The following CAMK1D variants were observed in gnomAD, a reference collection of about 807,000 sequenced individuals.
The protein encoded by CAMK1D is calcium/calmodulin-dependent protein kinase type 1D.
CAMK1D carries 9 observed loss-of-function variants against 47.7 expected under a neutral mutation model. The observed-to-expected ratio is 0.19, with a 90% CI of 0.11 to 0.33. CAMK1D has a LOEUF of 0.33. CAMK1D is among the 10% of genes least tolerant of loss of function. The pLI is 1.00. For missense variants in CAMK1D, 291 were observed against 488.7 expected, an observed-to-expected ratio of 0.60 and a Z score of 3.81; for synonymous variants, 184 against 184.9, an observed-to-expected ratio of 0.99 and a Z score of 0.04.
At chr10:12,416,670 G>T (rs985675496) in intron 1 of CAMK1D, among the ~76,000 whole-genome samples, 2 of 152,222 alleles carry the variant, frequency 1.3e-5, no homozygotes, top group Non-Finnish European at 2.9e-5. Context: ...GCTGAGCACC[G>T]GAGGGAGGGC....
chr10:12,490,279 GT>G (rs1834342997), intron 1 of CAMK1D, among the ~76,000 whole-genome samples: 2 of 152,162 alleles, frequency 1.3e-5, no homozygotes, highest in Non-Finnish European at 2.9e-5. Context: ...CAGCGAGACT[GT>G]TCTTGGAACT....
At chr10:12,473,719 C>T (rs932001721) in intron 1 of CAMK1D, among the ~76,000 whole-genome samples, 1 of 152,176 alleles carries the variant, frequency 6.6e-6, no homozygotes, top group Admixed American at 6.5e-5. Flanking sequence ...AGCTGCTGCT[C>T]TCACACTCTA....
intron 2 of CAMK1D, among the ~76,000 whole-genome samples, chr10:12,615,706 ATAGAT>A (rs1715279346): frequency 7.0e-6 from 1 of 143,312 alleles, no homozygotes; most frequent in Non-Finnish European, 1.5e-5. Context: ...GTAGGTGTCT[ATAGAT>A]GTGTAGGTGT....
At chr10:12,509,908 G>C (rs1466344651) in intron 1 of CAMK1D, among the ~76,000 whole-genome samples, 1 of 152,234 alleles carries the variant, frequency 6.6e-6, no homozygotes, top group Non-Finnish European at 1.5e-5. Flanking sequence ...TGAATTACAT[G>C]AAGGCCTGAG....
At chr10:12,666,876 G>A in intron 3 of CAMK1D, 66 bp downstream of exon 3, 1 of 1,318,196 alleles carries the variant, frequency 7.6e-7, no homozygotes, top group Non-Finnish European at 1.1e-6. Flanking sequence ...AAAGGGATCA[G>A]GTGGGAAAAG....
chr10:12,693,708 A>G (rs1341016843), intron 3 of CAMK1D, among the ~76,000 whole-genome samples: 1 of 150,486 alleles, frequency 6.6e-6, no homozygotes, highest in Non-Finnish European at 1.5e-5. Context: ...AAACTGTAAT[A>G]TTTCCAGCCT....
At chr10:12,622,493 A>T (rs537591169) in intron 2 of CAMK1D, among the ~76,000 whole-genome samples, 1 of 151,520 alleles carries the variant, frequency 6.6e-6, no homozygotes, top group East Asian at 1.9e-4. Flanking sequence ...CCATCTCTCC[A>T]CCTGGCAGCA....
intron 1 of CAMK1D, among the ~76,000 whole-genome samples, chr10:12,387,886 C>T (rs1354962839): frequency 6.6e-6 from 1 of 152,166 alleles, no homozygotes; most frequent in East Asian, 1.9e-4. Context: ...TTGTGAAAGA[C>T]TGGGCTCAAA....
At chr10:12,704,425 A>G (rs766009004) in intron 3 of CAMK1D, among the ~76,000 whole-genome samples, 3 of 152,184 alleles carry the variant, frequency 2.0e-5, no homozygotes, top group Non-Finnish European at 4.4e-5. Context: ...GGGCATGTTG[A>G]GACATTTATC....
chr10:12,698,892 C>T (rs1394951398), intron 3 of CAMK1D, among the ~76,000 whole-genome samples: 1 of 151,864 alleles, frequency 6.6e-6, no homozygotes, highest in Non-Finnish European at 1.5e-5. Flanking sequence ...AGGATGGTCT[C>T]GAGCTCTTGA....
chr10:12,795,232 G>C (rs1838146232), intron 6 of CAMK1D, among the ~76,000 whole-genome samples: 1 of 152,144 alleles, frequency 6.6e-6, no homozygotes, highest in Admixed American at 6.5e-5. Flanking sequence ...ACCAGAGCAG[G>C]GTGCCATGGC....
intron 1 of CAMK1D, among the ~76,000 whole-genome samples, chr10:12,375,996 C>T (rs150491148): frequency 6.6e-6 from 1 of 151,498 alleles, no homozygotes; most frequent in African/African-American, 2.4e-5. Flanking sequence ...AACCCTGTCT[C>T]TACGAAAAAT....
At chr10:12,615,540 G>A (rs1460715430) in intron 2 of CAMK1D, among the ~76,000 whole-genome samples, 2 of 148,234 alleles carry the variant, frequency 1.3e-5, no homozygotes, top group Admixed American at 1.3e-4. Context: ...GTGTGCATGT[G>A]TACATGTGTA....
At chr10:12,530,975 T>C (rs2815642) in intron 1 of CAMK1D, among the ~76,000 whole-genome samples, 2,050 of 151,912 alleles carry the variant, frequency 0.013, 48 homozygotes, top group African/African-American at 0.047. Context: ...GAGAATTGTT[T>C]GAACTCTGGG....
At chr10:12,803,361 A>G (rs1838567507) in intron 6 of CAMK1D, among the ~76,000 whole-genome samples, 2 of 152,182 alleles carry the variant, frequency 1.3e-5, no homozygotes, top group African/African-American at 4.8e-5. Context: ...TCAGCATTTC[A>G]CACAACACCA....
chr10:12,724,059 G>T (rs1023137033), intron 3 of CAMK1D, among the ~76,000 whole-genome samples: 1 of 152,196 alleles, frequency 6.6e-6, no homozygotes, highest in African/African-American at 2.4e-5. Flanking sequence ...CGTGATCCCA[G>T]CTCACTGCAA....
intron 6 of CAMK1D, among the ~76,000 whole-genome samples, chr10:12,800,336 A>G (rs1217983193): frequency 1.3e-5 from 2 of 152,252 alleles, no homozygotes; most frequent in Non-Finnish European, 2.9e-5. Context: ...AGCTTTTAAA[A>G]GCTTTGCTTT....
At chr10:12,463,869 G>T (rs118169509) in intron 1 of CAMK1D, among the ~76,000 whole-genome samples, 2,244 of 152,186 alleles carry the variant, frequency 0.015, 36 homozygotes, top group East Asian at 0.046. Context: ...GTTCTCACTA[G>T]ATCTGATGGT....
At chr10:12,516,298 G>A (rs1383868259) in intron 1 of CAMK1D, among the ~76,000 whole-genome samples, 3 of 151,990 alleles carry the variant, frequency 2.0e-5, no homozygotes, top group African/African-American at 7.2e-5. Flanking sequence ...TAGTAGAGAC[G>A]GGGTTTCACC....
Sources: gnomAD v4.1 joint callset for allele counts (sites outside exome capture counted in the v4.1 genomes callset) on GRCh38, gnomAD v4.1.1 for gene constraint, MANE v1.5 for transcripts, NCBI Gene and HGNC (gene_info 2026-07-23, HGNC 2026-07-21) for gene names.